Variants in DNAJC3 observed in about 807,000 individuals in gnomAD.
DNAJC3 encodes the protein DnaJ heat shock protein family (Hsp40) member C3.
Under a neutral mutation model 68.6 loss-of-function variants are expected in DNAJC3, and 38 were observed. The observed-to-expected ratio is 0.55, with a 90% CI of 0.43 to 0.73. DNAJC3 has a LOEUF of 0.73. Ranked by LOEUF, DNAJC3 falls within the 30% of genes least tolerant of loss-of-function variation. The pLI is 0.00. For synonymous variants in DNAJC3, 203 were observed against 204.0 expected, an observed-to-expected ratio of 1.00 and a Z score of 0.04; for missense variants, 526 against 591.9, an observed-to-expected ratio of 0.89 and a Z score of 1.16.
At chr13:95,781,454 C>T (rs1883451431) in intron 9 of DNAJC3, among the ~76,000 whole-genome samples, 1 of 152,100 alleles carries the variant, frequency 6.6e-6, no homozygotes, top group Admixed American at 6.6e-5. Context: ...AGGTTTATTA[C>T]TAATGTGCTC....
At chr13:95,749,459 GTAAAA>G (rs1882406714) in intron 4 of DNAJC3, among the ~76,000 whole-genome samples, 1 of 152,190 alleles carries the variant, frequency 6.6e-6, no homozygotes, top group Non-Finnish European at 1.5e-5. Context: ...GATGCCAGCA[GTAAAA>G]TGGAGTAAGA....
chr13:95,762,155 C>T (rs1169840077), intron 7 of DNAJC3, among the ~76,000 whole-genome samples: 4 of 152,024 alleles, frequency 2.6e-5, no homozygotes, highest in African/African-American at 7.2e-5. Flanking sequence ...CCAGCTACTG[C>T]GGAGGCTGAG....
chr13:95,704,851 G>GTTTTTTTTTTTTTT lies in DNAJC3; in HGVS notation c.83-4371_83-4358dup, dbSNP rs1193979630. Among the ~76,000 whole-genome samples the GTTTTTTTTTTTTTT allele has an allele frequency of 5.8e-3, 570 of 97,698 alleles. 44 individuals are homozygous for GTTTTTTTTTTTTTT. The highest frequency in any genetic ancestry group is 0.031 in the Admixed American group (300 of 9,830). 64.1% of individuals were successfully genotyped at this position (97,698 alleles called of 152,430 possible). A position where few individuals can be genotyped will look rare whatever the true frequency, so the allele number is the denominator to read the frequency against. ...AGAAAGGACTAATCTGTGTGTGTGT[G>GTTTTTTTTTTTTTT]TTTTTTTTTTTTTTTTTTGAGACAG... is the stretch of plus-strand genomic sequence containing the variant. On this transcript the variant is annotated intron_variant, in intron 1 of 11. Transcript: ENST00000602402.
intron 1 of DNAJC3, chr13:95,692,411 T>G (rs1880297113): frequency 6.6e-6 from 1 of 152,196 alleles, no homozygotes; most frequent in South Asian, 2.1e-4. Flanking sequence ...ATTGATCTGT[T>G]TTCTTAGGTC....
Position 95,755,756 on chromosome 13 carries a change from C to CAAA in DNAJC3, c.394-1861_394-1859dup, listed in dbSNP as rs56659621. ...TAGGTGACAGAGCGAGACGCCGTCT[C>CAAA]AAAAAAAAAAAAAAAAAAAAAAAAA... is the stretch of plus-strand genomic sequence containing the variant. On this transcript the variant is annotated intron_variant, in intron 4 of 11. Transcript: ENST00000602402. Among the ~76,000 whole-genome samples the CAAA allele has an allele frequency of 9.0e-3, 135 of 15,028 alleles. 5 individuals carry two copies. Among genetic ancestry groups the CAAA allele is most frequent in the Non-Finnish European group, 0.011 (68 of 6,208 alleles). The allele number at this position is 15,028 out of a possible 152,430, so 9.9% of individuals were successfully genotyped here.
At chr13:95,788,541 A>G (rs144987338) in intron 11 of DNAJC3, among the ~76,000 whole-genome samples, 1,953 of 152,308 alleles carry the variant, frequency 0.013, 49 homozygotes, top group African/African-American at 0.045. Flanking sequence ...CATATTTAGG[A>G]ATATGTTTAG....
intron 4 of DNAJC3, among the ~76,000 whole-genome samples, chr13:95,734,873 G>T: frequency 6.7e-6 from 1 of 148,220 alleles, no homozygotes; most frequent in African/African-American, 2.5e-5. Flanking sequence ...CATTGTGCAG[G>T]TTAGTTACAT....
chr13:95,739,236 C>T (rs905875778), intron 4 of DNAJC3, among the ~76,000 whole-genome samples: 31 of 152,222 alleles, frequency 2.0e-4, no homozygotes, highest in Non-Finnish European at 4.0e-4. Flanking sequence ...ACCCGACCTT[C>T]CTCTCTGGCT....
In DNAJC3 at chr13:95,791,325, G is replaced by C. The variant is rs201065077; in HGVS notation, c.*295G>C. The C allele has an allele frequency of 2.8e-6, 1 of 360,090 alleles. No individual in the cohort carries two copies. Among genetic ancestry groups the C allele is most frequent in the African/African-American group, 2.2e-5 (1 of 45,386 alleles). The allele number at this position is 360,090 out of a possible 1,614,324, so 22.3% of individuals were successfully genotyped here. ...ACCCGTGGAAGTGCTCACGTATTCT[G>C]TATTATTTTTCTACACTGGAGCTGA... is the stretch of plus-strand genomic sequence containing the variant. On this transcript the variant is annotated 3_prime_UTR_variant, in exon 12 of 12. Coordinates refer to ENST00000602402, the MANE Select transcript of DNAJC3 (RefSeq NM_006260.5).
rs1157354862 is a variant in DNAJC3, at chr13:95,691,289, C to T, written c.82+13952C>T. Among the ~76,000 whole-genome samples the T allele has an allele frequency of 3.4e-4, 51 of 151,950 alleles. 1 individual carries two copies. Among genetic ancestry groups the T allele is most frequent in the Admixed American group, 3.1e-3 (48 of 15,282 alleles). On this transcript the variant is annotated intron_variant, in intron 1 of 11. Coordinates refer to ENST00000602402, the MANE Select transcript of DNAJC3 (RefSeq NM_006260.5). ...GGCTGCTGGGCGGAGGGGCTCCTCA[C>T]TTCTCAGACGGGGCACTTGCCGGGC... is the stretch of plus-strand genomic sequence containing the variant.
chr13:95,684,371 T>A (rs1880013702), intron 1 of DNAJC3, among the ~76,000 whole-genome samples: 1 of 152,186 alleles, frequency 6.6e-6, no homozygotes, highest in African/African-American at 2.4e-5. Context: ...GGGTATCTGG[T>A]GGAAGAAACT....
intron 1 of DNAJC3, among the ~76,000 whole-genome samples, chr13:95,685,658 G>A (rs1392644860): frequency 6.6e-6 from 1 of 152,050 alleles, no homozygotes; most frequent in East Asian, 1.9e-4. Context: ...AATCCCTAAT[G>A]TTGGAGTTGG....
chr13:95,763,335 C>T (rs921417204), intron 7 of DNAJC3, among the ~76,000 whole-genome samples: 16 of 152,194 alleles, frequency 1.1e-4, no homozygotes, highest in Non-Finnish European at 1.5e-5. Flanking sequence ...GTGTTTTACT[C>T]AGGTTTGGAA....
intron 1 of DNAJC3, among the ~76,000 whole-genome samples, chr13:95,705,590 C>T (rs1362550020): frequency 1.3e-5 from 2 of 151,346 alleles, no homozygotes; most frequent in African/African-American, 4.9e-5. Context: ...TATAGTGGCA[C>T]GATCATAGCT....
chr13:95,747,278 GTGAT>G (rs1375113279), intron 4 of DNAJC3, among the ~76,000 whole-genome samples: 1 of 152,204 alleles, frequency 6.6e-6, no homozygotes, highest in Non-Finnish European at 1.5e-5. Flanking sequence ...TGATAAGTGT[GTGAT>G]TGAGTCCTCT....
chr13:95,779,592 C>T (rs990539913), intron 9 of DNAJC3, among the ~76,000 whole-genome samples: 3 of 152,034 alleles, frequency 2.0e-5, no homozygotes, highest in Admixed American at 2.0e-4. Flanking sequence ...TCTCCCTTGT[C>T]CTCTTTCTTG....
chr13:95,767,256 A>T (rs755033316), intron 9 of DNAJC3, among the ~76,000 whole-genome samples: 1 of 152,186 alleles, frequency 6.6e-6, no homozygotes, highest in Non-Finnish European at 1.5e-5. Context: ...AGATCCTCAC[A>T]TAATGGGAAT....
At chr13:95,720,125 A>T (rs1881276323) in intron 2 of DNAJC3, among the ~76,000 whole-genome samples, 1 of 152,154 alleles carries the variant, frequency 6.6e-6, no homozygotes, top group African/African-American at 2.4e-5. Flanking sequence ...GGTTAGGTGC[A>T]GTAAGGGATA....
intron 4 of DNAJC3, among the ~76,000 whole-genome samples, chr13:95,734,076 T>C (rs971370710): frequency 6.6e-6 from 1 of 152,192 alleles, no homozygotes; most frequent in Non-Finnish European, 1.5e-5. Context: ...GGTTTGGTGG[T>C]TTTCTGTAGT....
Sources: gnomAD v4.1 joint callset for allele counts (sites outside exome capture counted in the v4.1 genomes callset) on GRCh38, gnomAD v4.1.1 for gene constraint, MANE v1.5 for transcripts, NCBI Gene and HGNC (gene_info 2026-07-23, HGNC 2026-07-21) for gene names.